Variants in SEC14L1 observed in about 807,000 individuals in gnomAD.
SEC14L1 encodes SEC14-like protein 1.
Under a neutral mutation model 85.3 loss-of-function variants are expected in SEC14L1, and 48 were observed. The observed-to-expected ratio is 0.56, with a 90% CI of 0.45 to 0.72. SEC14L1 has a LOEUF of 0.72. SEC14L1 is among the 30% of genes least tolerant of loss of function. SEC14L1 has a pLI of 0.00. For missense variants in SEC14L1, 682 were observed against 921.4 expected (o/e 0.74, Z 3.36); for synonymous variants, 391 against 355.5 (o/e 1.10, Z -1.12).
In SEC14L1 at chr17:77,213,096, C is replaced by G. The variant is rs376680909; in HGVS notation, c.1864-218C>G. Among the ~76,000 whole-genome samples, 171 of 152,336 alleles carry G rather than the reference C, an allele frequency of 1.1e-3. No individual in the cohort carries two copies. The highest frequency in any genetic ancestry group is 3.9e-3 in the African/African-American group (164 of 41,572). On this transcript the variant is annotated intron_variant, in intron 15 of 16. Coordinates refer to ENST00000436233, the MANE Select transcript of SEC14L1 (RefSeq NM_001143998.2). The surrounding 1 kb of genome is among the most constrained non-coding windows in gnomAD (Gnocchi z 7.1). ...GGCCACGGACATGGAGCTTGTCCCT[C>G]CGGGCTTCCCAGCACCCGGGAGTGA...
In SEC14L1 at chr17:77,193,560, C is replaced by A. The variant is rs2036551019; in HGVS notation, c.474+11C>A. 6.3e-7 allele frequency: 1 copy of A among 1,599,504 alleles called. No individual in the cohort carries two copies. Among genetic ancestry groups the A allele is most frequent in the Non-Finnish European group, 8.6e-7 (1 of 1,168,642 alleles). ...AGCAACATTAAAAAAGTGAGTGTAT[C>A]TTGGGATTTTGTGGCAGAGGGTGGG... On this transcript the variant is annotated intron_variant, in intron 6 of 16. Coordinates refer to ENST00000436233, the MANE Select transcript of SEC14L1 (RefSeq NM_001143998.2).
chr17:77,150,785 C>T (rs1343831855), intron 3 of SEC14L1, among the ~76,000 whole-genome samples: 2 of 152,206 alleles, frequency 1.3e-5, no homozygotes, highest in Non-Finnish European at 2.9e-5. Context: ...TAGCTGCGTT[C>T]AGAAACCATC....
In SEC14L1 at chr17:77,211,975, C is replaced by T. The variant is rs948191599; in HGVS notation, c.1637C>T (p.Ser546Leu). The T allele has an allele frequency of 2.5e-5, 41 of 1,614,066 alleles. No individual in the cohort carries two copies. Among genetic ancestry groups the T allele is most frequent in the Non-Finnish European group, 3.5e-5 (41 of 1,180,028 alleles). Residue 546 changes from serine to leucine, a missense_variant, in exon 15 of 17, where the codon TCG (serine) becomes TTG (leucine). Ser to Leu is a moderately radical substitution (Grantham distance 145). Transcript: ENST00000436233. ...HEILIQIVDA[S>L]SVITWDFDVC... is the part of the protein sequence containing the mutation. ...ATTCTCATTCAGATTGTGGATGCCT[C>T]GTCAGTCATCACTTGGGATTTCGAC... is the stretch of plus-strand genomic sequence containing the variant.
intron 2 of SEC14L1, chr17:77,089,545 C>T: frequency 2.1e-6 from 1 of 476,436 alleles, no homozygotes. Context: ...CCTTGCTTTT[C>T]AAAACTTCAT....
intron 3 of SEC14L1, among the ~76,000 whole-genome samples, chr17:77,098,709 A>C (rs1181087312): frequency 6.6e-6 from 1 of 152,134 alleles, no homozygotes. Flanking sequence ...CAAGGACCTC[A>C]GCCCTGGATC....
At chr17:77,178,798 C>T (rs529296659) in intron 3 of SEC14L1, among the ~76,000 whole-genome samples, 40 of 152,284 alleles carry the variant, frequency 2.6e-4, no homozygotes, top group Non-Finnish European at 5.4e-4. Flanking sequence ...GCTGGCACGC[C>T]GGCAGCGTGG....
At chr17:77,103,312 C>T (rs904775222) in intron 3 of SEC14L1, among the ~76,000 whole-genome samples, 1 of 151,922 alleles carries the variant, frequency 6.6e-6, no homozygotes, top group African/African-American at 2.4e-5. Flanking sequence ...GGGGTTTCAC[C>T]ATGTTGGCCA....
Position 77,197,656 on chromosome 17 carries a change from G to A in SEC14L1, c.819+1345G>A, listed in dbSNP as rs79084438. On this transcript the variant is annotated intron_variant, in intron 8 of 16. Coordinates refer to ENST00000436233, the MANE Select transcript of SEC14L1 (RefSeq NM_001143998.2). ...ATATATGTATACAGAGTCTTGCTCC[G>A]TCACCCAGGCTGGTGCAGTCTTGGG... Among the ~76,000 whole-genome samples, 202 of 150,886 alleles carry A rather than the reference G, an allele frequency of 1.3e-3. 1 individual carries two copies. The highest frequency in any genetic ancestry group is 4.7e-3 in the African/African-American group (191 of 41,040).
At chr17:77,140,171 T>C (rs944970334), upstream of SEC14L1, among the ~76,000 whole-genome samples, 15 of 152,168 alleles carry the variant, frequency 9.9e-5, no homozygotes, top group African/African-American at 3.4e-4. Context: ...TGGTACCGGA[T>C]TGAAAATTGG....
chr17:77,180,351 C>A (rs1289941074), intron 3 of SEC14L1, among the ~76,000 whole-genome samples: 1 of 152,110 alleles, frequency 6.6e-6, no homozygotes, highest in East Asian at 1.9e-4. Context: ...CTTGGCCTCC[C>A]AAAGTGCTGG....
rs1454052657 is a variant in SEC14L1 at position 77,142,159 on chromosome 17, G to A, written c.-135-487G>A. Among the ~76,000 whole-genome samples, 3 of 152,218 alleles carry A rather than the reference G, an allele frequency of 2.0e-5. No homozygotes were observed. The East Asian group carries it at 5.8e-4, about 29-fold the overall frequency. On this transcript the variant is annotated intron_variant, in intron 1 of 16. Coordinates refer to ENST00000436233, the MANE Select transcript of SEC14L1 (RefSeq NM_001143998.2). ...AATGGCTTACTCGTGGTCACCCAGA[G>A]TCATTCCTTAGCCGTTTTCACACTG...
chr17:77,178,639 C>T (rs2143725066), intron 3 of SEC14L1, among the ~76,000 whole-genome samples: 1 of 152,304 alleles, frequency 6.6e-6, no homozygotes, highest in Middle Eastern at 3.4e-3. Context: ...CACCTCAGAT[C>T]ATCAGGCATT....
upstream of SEC14L1, among the ~76,000 whole-genome samples, chr17:77,137,519 G>A (rs1281952802): frequency 1.3e-5 from 2 of 152,260 alleles, no homozygotes; most frequent in South Asian, 2.1e-4. Flanking sequence ...TGACCCAAAC[G>A]CCTCCCACCA....
In SEC14L1 at chr17:77,101,459, T is replaced by C. The variant is rs542844304; in HGVS notation, c.-136+8112T>C. Among the ~76,000 whole-genome samples the C allele has an allele frequency of 3.9e-5, 6 of 152,340 alleles. No individual in the cohort carries two copies. The South Asian group carries it at 1.2e-3, about 32-fold the overall frequency. On this transcript the variant is annotated intron_variant, in intron 3 of 19. Coordinates refer to the SEC14L1 transcript ENST00000392476. ...TCCCAAAGTGCTGGGATTACAGGCA[T>C]GAGCCACTGTTCCCGGCCCCTCTTT...
chr17:77,117,495 A>C (rs918468328), intron 3 of SEC14L1, among the ~76,000 whole-genome samples: 15 of 152,226 alleles, frequency 9.9e-5, no homozygotes, highest in Non-Finnish European at 1.9e-4. Flanking sequence ...TCACAGGCCA[A>C]ATGAATGTTT....
intron 3 of SEC14L1, among the ~76,000 whole-genome samples, chr17:77,168,655 G>T (rs984392344): frequency 2.6e-5 from 4 of 152,252 alleles, no homozygotes; most frequent in Middle Eastern, 3.4e-3. Context: ...GAGCTGTGTT[G>T]TTAGGGCTGA....
At position 77,216,530 on chromosome 17, in the gene SEC14L1, C is replaced by G. The variant is rs776088850; in HGVS notation, c.*2507C>G. On this transcript the variant is annotated 3_prime_UTR_variant, in exon 17 of 17. Coordinates refer to ENST00000436233, the MANE Select transcript of SEC14L1 (RefSeq NM_001143998.2). ...TGAAGGTGGTCCCTGCTTTCTCTTT[C>G]TCTTTCTCTGTGTCTCAGATGGCGA... 1.2e-6 allele frequency: 2 copies of G among 1,613,246 alleles called. No individual in the cohort carries two copies. Among genetic ancestry groups the G allele is most frequent in the Non-Finnish European group, 1.7e-6 (2 of 1,179,420 alleles).
chr17:77,099,966 A>T (rs1382745900), intron 3 of SEC14L1, among the ~76,000 whole-genome samples: 1 of 152,184 alleles, frequency 6.6e-6, no homozygotes, highest in East Asian at 1.9e-4. Context: ...TGTTTAAAAA[A>T]ATTTTTTTTC....
At chr17:77,178,250 C>T (rs1974851015) in intron 3 of SEC14L1, among the ~76,000 whole-genome samples, 1 of 152,120 alleles carries the variant, frequency 6.6e-6, no homozygotes, top group South Asian at 2.1e-4. Flanking sequence ...ACCTGCCACT[C>T]AGAGCTGCAA....
Sources: allele counts gnomAD v4.1 joint callset (sites outside exome capture counted in the v4.1 genomes callset), GRCh38; gene constraint gnomAD v4.1.1; non-coding constraint Gnocchi (gnomAD v3.1); transcripts MANE v1.5; gene names NCBI Gene and HGNC (gene_info 2026-07-23, HGNC 2026-07-21).